The following GCC2 variants were observed in gnomAD, a reference collection of about 807,000 sequenced individuals.
GCC2 encodes GRIP and coiled-coil domain containing 2.
Under a neutral mutation model 210.6 loss-of-function variants are expected in GCC2, and 120 were observed. The ratio of observed to expected loss-of-function variants is 0.57; its 90% CI spans 0.49 to 0.66. GCC2 has a LOEUF of 0.66. Among genes scored for constraint, GCC2 ranks in the 30% least tolerant of loss-of-function variants. GCC2 has a pLI of 0.00. For synonymous variants in GCC2, 703 were observed against 652.7 expected, an observed-to-expected ratio of 1.08 and a Z score of -1.17; for missense variants, 1,868 against 1,871.9, an observed-to-expected ratio of 1.00 and a Z score of 0.04.
intron 7 of GCC2, 26 bp from the exon 8 acceptor site, chr2:108,475,509 G>A (rs1479506302): frequency 1.8e-6 from 2 of 1,103,188 alleles, no homozygotes; most frequent in Non-Finnish European, 2.6e-6. Context: ...GAGTTCGTAT[G>A]TAATCCATTT....
In GCC2 at chr2:108,478,359, T is replaced by C. The variant is rs1418797268; in HGVS notation, c.3060+2509T>C. On this transcript the variant is annotated intron_variant, in intron 9 of 22. Transcript: ENST00000309863. The stretch of plus-strand genomic sequence containing the variant: ...CCAGAGGTGCTGAAATGTTTAAGAA[T>C]GTTGATCACTTTTAAAAACACATGT... 3.9e-5 allele frequency among the ~76,000 whole-genome samples: 6 copies of C among 152,358 alleles called. 1 individual carries two copies. The South Asian group carries it at 6.2e-4, about 16-fold the overall frequency.
chr2:108,465,865 CT>C (rs904342731), intron 4 of GCC2, among the ~76,000 whole-genome samples: 2 of 152,080 alleles, frequency 1.3e-5, no homozygotes, highest in African/African-American at 4.8e-5. Context: ...TTGTTTTTGA[CT>C]TTTTTTGAAA....
Position 108,497,110 on chromosome 2 carries a change from G to A in GCC2, c.4782+1G>A. 6.2e-7 allele frequency: 1 copy of A among 1,611,914 alleles called. No individual in the cohort carries two copies. The highest frequency in any genetic ancestry group is 8.5e-7 in the Non-Finnish European group (1 of 1,179,842). On this transcript the variant is annotated splice_donor_variant, in intron 21 of 22. Coordinates refer to ENST00000309863, the MANE Select transcript of GCC2 (RefSeq NM_181453.4). LOFTEE classifies it high-confidence loss of function. ...TGCAATTCTTATGGAGCAAATTAAG[G>A]TGAGATCAGAAAACCTGGCCGCCGT... is the stretch of plus-strand genomic sequence containing the variant.
At chr2:108,453,425 T>C (rs1680066922) in intron 4 of GCC2, among the ~76,000 whole-genome samples, 1 of 152,370 alleles carries the variant, frequency 6.6e-6, no homozygotes. Flanking sequence ...CTGGGTTCTC[T>C]TTCTCTTTTT....
chr2:108,467,204 T>A (rs559337885), intron 4 of GCC2, among the ~76,000 whole-genome samples: 2 of 152,324 alleles, frequency 1.3e-5, no homozygotes, highest in Admixed American at 1.3e-4. Context: ...TTTTATAATT[T>A]CCCCTGTGGA....
chr2:108,508,667 C>T lies in GCC2; in HGVS notation c.*1037C>T, dbSNP rs1053216235. 1.0e-4 allele frequency: 16 copies of T among 152,450 alleles called. No individual in the cohort carries two copies. Among genetic ancestry groups the T allele is most frequent in the African/African-American group, 2.9e-4 (12 of 41,472 alleles). 9.4% of individuals were successfully genotyped at this position (152,450 alleles called of 1,614,324 possible). On this transcript the variant is annotated 3_prime_UTR_variant, in exon 23 of 23. Transcript: ENST00000309863. ...TGGCAGATAGTGTTCCATAAGCTTT[C>T]CATCAGAAGGGATTTTAGACACCTT...
At position 108,469,732 on chromosome 2, in the gene GCC2, A is replaced by G; in HGVS notation, c.403A>G (p.Lys135Glu). The G allele has an allele frequency of 6.2e-7, 1 of 1,612,898 alleles. No homozygotes were observed. Among genetic ancestry groups the G allele is most frequent in the Non-Finnish European group, 8.5e-7 (1 of 1,179,122 alleles). Residue 135 changes from lysine to glutamate, a missense_variant, in exon 6 of 23, where the codon AAA becomes GAA. Lys to Glu is a moderately conservative substitution (Grantham distance 56). This residue lies in a region of GCC2 where 1,847 missense variants were observed against 1,765.2 expected (regional missense o/e 1.05). Transcript: ENST00000309863. Reference sequence around the variant, plus strand: ...CTATGTGAAAGAAATTGAAAATTTGAAAAATGAGTTGATGGCAGTACGTTC... The same window carrying G: ...CTATGTGAAAGAAATTGAAAATTTGGAAAATGAGTTGATGGCAGTACGTTC... The part of the protein sequence containing the change: ...INYVKEIENL[K>E]NELMAVRSKY...
chr2:108,473,896 A>G (rs985339327), intron 7 of GCC2, among the ~76,000 whole-genome samples: 4 of 152,072 alleles, frequency 2.6e-5, no homozygotes, highest in Non-Finnish European at 5.9e-5. Flanking sequence ...GCTCACGCCT[A>G]TAATCCCAGC....
intron 7 of GCC2, chr2:108,473,375 T>C (rs1487531644): frequency 6.6e-6 from 1 of 151,794 alleles, no homozygotes. Context: ...AATGAGAAAT[T>C]TTACACAGGA....
chr2:108,483,640 T>TA (rs1384404878), intron 12 of GCC2, among the ~76,000 whole-genome samples: 4 of 152,212 alleles, frequency 2.6e-5, no homozygotes, highest in Non-Finnish European at 5.9e-5. Context: ...TTAACTTACT[T>TA]CTCTAAGTAC....
At chr2:108,479,996 A>ACC (rs1558747480) in intron 9 of GCC2, among the ~76,000 whole-genome samples, 1 of 64,358 alleles carries the variant, frequency 1.6e-5, no homozygotes, top group Non-Finnish European at 4.1e-5. Context: ...AAAAAAAAAA[A>ACC]AAAAAAAAAA....
At chr2:108,498,336 C>T (rs1170863378) in intron 21 of GCC2, among the ~76,000 whole-genome samples, 3 of 151,350 alleles carry the variant, frequency 2.0e-5, no homozygotes, top group African/African-American at 7.3e-5. Flanking sequence ...GCTGGGACTG[C>T]AGGCACGCAC....
At chr2:108,494,869 G>T (rs1435255184) in intron 19 of GCC2, 1 of 153,458 alleles carries the variant, frequency 6.5e-6, no homozygotes, top group African/African-American at 2.4e-5. Context: ...CTGGAGTGCA[G>T]TGGTGTGATC....
intron 4 of GCC2, among the ~76,000 whole-genome samples, chr2:108,457,395 G>A (rs780815224): frequency 2.0e-5 from 3 of 151,846 alleles, no homozygotes; most frequent in African/African-American, 4.8e-5. Context: ...CTATAGCCTC[G>A]TAATATGTTT....
rs1263136290 is a variant in GCC2 at position 108,452,475 on chromosome 2, T to C, written c.216+9T>C. 2 of 1,464,428 alleles carry C rather than the reference T, an allele frequency of 1.4e-6. No homozygotes were observed. The highest frequency in any genetic ancestry group is 4.5e-5 in the East Asian group (2 of 44,194). 90.7% of individuals were successfully genotyped at this position (1,464,428 alleles called of 1,614,324 possible). On this transcript the variant is annotated intron_variant, in intron 4 of 22. Coordinates refer to ENST00000309863, the MANE Select transcript of GCC2 (RefSeq NM_181453.4). ...CTGGTGATATTATTAAGGTAATTAT[T>C]ACGTTGGGAAATGTCTAAAGAGAAA...
intron 8 of GCC2, 46 bp from the exon 9 acceptor site, chr2:108,475,706 T>A: frequency 7.2e-7 from 1 of 1,397,804 alleles, no homozygotes; most frequent in Non-Finnish European, 9.8e-7. Flanking sequence ...TTCTATCCAT[T>A]AAAAAAAAAC....
Position 108,482,999 on chromosome 2 carries a change from C to G in GCC2, c.3346-63C>G, listed in dbSNP as rs191839655. 1.1e-3 allele frequency: 978 copies of G among 851,140 alleles called. 5 individuals are homozygous for G. Among genetic ancestry groups the G allele is most frequent in the Admixed American group, 2.6e-3 (129 of 50,160 alleles). The allele number at this position is 851,140 out of a possible 1,614,324, so 52.7% of individuals were successfully genotyped here. On this transcript the variant is annotated intron_variant, in intron 11 of 22. Transcript: ENST00000309863. ...CCGGCCGTCAGATTTATTTTAAAGCCCCTTAAAAATACCTTTTTAATATTG... is the reference window on the plus strand; with the variant it reads ...CCGGCCGTCAGATTTATTTTAAAGCGCCTTAAAAATACCTTTTTAATATTG...
intron 19 of GCC2, 36 bp downstream of exon 19, chr2:108,492,826 GT>G: frequency 1.4e-6 from 2 of 1,412,416 alleles, no homozygotes; most frequent in Non-Finnish European, 1.0e-6. Context: ...AGTTGTTCAT[GT>G]TTTCATGCAT....
At chr2:108,460,366 T>G (rs552696369) in intron 4 of GCC2, among the ~76,000 whole-genome samples, 1 of 152,280 alleles carries the variant, frequency 6.6e-6, no homozygotes, top group East Asian at 1.9e-4. Context: ...ATGCAGTTAT[T>G]AATTATATGT....
Sources: allele counts gnomAD v4.1 joint callset (sites outside exome capture counted in the v4.1 genomes callset), GRCh38; gene constraint gnomAD v4.1.1; regional missense constraint gnomAD v4.1.1; transcripts MANE v1.5; gene names NCBI Gene and HGNC (gene_info 2026-07-23, HGNC 2026-07-21).